Variants in SLC9C1 observed in about 807,000 individuals in gnomAD.
SLC9C1 encodes the protein sodium/hydrogen exchanger 10.
Under a neutral mutation model 140.9 loss-of-function variants are expected in SLC9C1, and 97 were observed. That is an observed-to-expected ratio of 0.69 (90% confidence interval 0.58 to 0.82). The LOEUF (loss-of-function observed/expected upper bound fraction) is 0.82. Among genes scored for constraint, SLC9C1 ranks in the 40% least tolerant of loss-of-function variants. The probability of loss-of-function intolerance (pLI) is 0.00; values close to 1 mark genes in which losing one functional copy is unlikely to be tolerated. For missense variants in SLC9C1, 1,340 were observed against 1,389.3 expected, an observed-to-expected ratio of 0.96 and a Z score of 0.56; for synonymous variants, 440 against 442.6, an observed-to-expected ratio of 0.99 and a Z score of 0.07.
chr3:112,221,321 A>G lies in SLC9C1; in HGVS notation c.1573-96T>C. 4.1e-6 allele frequency: 4 copies of G among 973,392 alleles called. No homozygotes were observed. The East Asian group carries it at 7.8e-5, about 19-fold the overall frequency. 60.3% of individuals were successfully genotyped at this position (973,392 alleles called of 1,614,324 possible). On this transcript the variant is annotated intron_variant, in intron 13 of 28. Coordinates refer to ENST00000305815, the MANE Select transcript of SLC9C1 (RefSeq NM_183061.3). Reference sequence around the variant, plus strand: ...AAAAATGTGTGATAAAGAAGTAAAAACAATCAATCTAGTCTGTTTGTAAAA... The same window carrying G: ...AAAAATGTGTGATAAAGAAGTAAAAGCAATCAATCTAGTCTGTTTGTAAAA...
intron 20 of SLC9C1, among the ~76,000 whole-genome samples, chr3:112,183,131 AG>A (rs769384878): frequency 2.0e-5 from 3 of 152,150 alleles, no homozygotes; most frequent in Non-Finnish European, 4.4e-5. Context: ...TGGATCATAA[AG>A]TATGCATATG....
At chr3:112,180,904 C>T (rs1286078100) in intron 21 of SLC9C1, among the ~76,000 whole-genome samples, 1 of 152,022 alleles carries the variant, frequency 6.6e-6, no homozygotes, top group Non-Finnish European at 1.5e-5. Flanking sequence ...TACAGGTGCC[C>T]ACGACCATGC....
At chr3:112,190,515 A>T (rs1335073717) in intron 20 of SLC9C1, among the ~76,000 whole-genome samples, 1 of 152,186 alleles carries the variant, frequency 6.6e-6, no homozygotes, top group Admixed American at 6.5e-5. Context: ...ACCATATTTA[A>T]GTCTATTTTC....
At chr3:112,192,556 G>GT (rs1263401435) in intron 20 of SLC9C1, among the ~76,000 whole-genome samples, 13 of 151,724 alleles carry the variant, frequency 8.6e-5, no homozygotes, top group African/African-American at 2.4e-4. Flanking sequence ...TTTTGTTTTT[G>GT]TTTTTTTCTT....
intron 14 of SLC9C1, among the ~76,000 whole-genome samples, chr3:112,218,730 G>T (rs750767206): frequency 5.9e-5 from 9 of 152,120 alleles, no homozygotes; most frequent in Non-Finnish European, 1.2e-4. Context: ...TTGCCACAGA[G>T]ATAATAAATG....
Position 112,264,261 on chromosome 3 carries a change from A to G in SLC9C1, c.961T>C (p.Tyr321His). ...GLLIPAHTYL[Y>H]IEFVDIYYSL... ...TAGTATATATCAACAAATTCTATAT[A>G]CAAATATGTATGTGCAGGAATTAGA... is the stretch of plus-strand genomic sequence containing the variant. The change falls in exon 9 of 29, where the codon TAT becomes CAT. Residue 321 changes from tyrosine to histidine, a missense_variant. Tyr to His is a moderately conservative substitution (Grantham distance 83). Transcript: ENST00000305815. The G allele has an allele frequency of 7.1e-7, 1 of 1,413,730 alleles. No homozygotes were observed. The highest frequency in any genetic ancestry group is 1.6e-5 in the South Asian group (1 of 63,326). 87.6% of individuals were successfully genotyped at this position (1,413,730 alleles called of 1,614,324 possible).
rs1309663795 is a variant in SLC9C1 at position 112,170,233 on chromosome 3, C to T, written c.2920-905G>A. Among the ~76,000 whole-genome samples, 17 of 152,016 alleles carry T rather than the reference C, an allele frequency of 1.1e-4. 1 individual carries two copies. Among genetic ancestry groups the T allele is most frequent in the Admixed American group, 1.1e-3 (17 of 15,246 alleles). On this transcript the variant is annotated intron_variant, in intron 23 of 28. Coordinates refer to ENST00000305815, the MANE Select transcript of SLC9C1 (RefSeq NM_183061.3). ...CCTATTCACTGGGAGAAACAAAAACCCTGCAGAATGGGAGAATATATTTGC... is the reference window on the plus strand; with the variant it reads ...CCTATTCACTGGGAGAAACAAAAACTCTGCAGAATGGGAGAATATATTTGC...
chr3:112,287,276 G>A (rs994600486), intron 1 of SLC9C1, among the ~76,000 whole-genome samples: 1 of 152,304 alleles, frequency 6.6e-6, no homozygotes, highest in East Asian at 1.9e-4. Flanking sequence ...GCCTCTGCAA[G>A]CATGTTCTGA....
rs1429180904 is a variant in SLC9C1 at position 112,286,639 on chromosome 3, T to C, written c.88+65A>G. 3.7e-6 allele frequency: 5 copies of C among 1,369,482 alleles called. No individual in the cohort carries two copies. In the Admixed American group the frequency reaches 8.9e-5, roughly 24 times the overall value. 84.8% of individuals were successfully genotyped at this position (1,369,482 alleles called of 1,614,324 possible). ...CTATTACTTCTACTTTCCTTAATTC[T>C]ATATGGTAGCATTTATAAGATGTAC... On this transcript the variant is annotated intron_variant, in intron 2 of 28. Coordinates refer to ENST00000305815, the MANE Select transcript of SLC9C1 (RefSeq NM_183061.3).
chr3:112,171,995 G>A (rs2077255777), intron 23 of SLC9C1, among the ~76,000 whole-genome samples: 1 of 152,058 alleles, frequency 6.6e-6, no homozygotes, highest in Admixed American at 6.5e-5. Context: ...ACATCATGTG[G>A]CCTTAATTAC....
chr3:112,264,472 T>C (rs2079864356), intron 8 of SLC9C1, 129 bp from the exon 9 acceptor site: 2 of 414,788 alleles, frequency 4.8e-6, no homozygotes, highest in Non-Finnish European at 7.8e-6. Context: ...ACAAACAACT[T>C]TGACTTGTAG....
chr3:112,183,198 A>C (rs1215055905), intron 20 of SLC9C1, among the ~76,000 whole-genome samples: 1 of 152,058 alleles, frequency 6.6e-6, no homozygotes, highest in Non-Finnish European at 1.5e-5. Context: ...ATCAATTTAC[A>C]CTTCTACTCT....
At chr3:112,291,246 C>T (rs1052755068) in intron 1 of SLC9C1, among the ~76,000 whole-genome samples, 2 of 151,994 alleles carry the variant, frequency 1.3e-5, no homozygotes, top group African/African-American at 4.8e-5. Flanking sequence ...AAAGCAATCA[C>T]AACAAAAGCA....
chr3:112,196,942 G>A (rs2077781701), intron 20 of SLC9C1, among the ~76,000 whole-genome samples: 2 of 139,484 alleles, frequency 1.4e-5, no homozygotes, highest in African/African-American at 5.4e-5. Context: ...CAGTTTTTGT[G>A]TATGCCTTGT....
intron 26 of SLC9C1, among the ~76,000 whole-genome samples, chr3:112,165,029 C>T (rs1345518020): frequency 1.3e-5 from 2 of 152,218 alleles, no homozygotes; most frequent in African/African-American, 4.8e-5. Flanking sequence ...ATTTGATCTT[C>T]CATCACTGAT....
intron 13 of SLC9C1, among the ~76,000 whole-genome samples, 193 bp downstream of exon 13, chr3:112,231,160 TTCTCTTTC>T (rs2078813920): frequency 9.7e-5 from 1 of 10,358 alleles, no homozygotes; most frequent in Non-Finnish European, 3.9e-4. Context: ...CTTTCTTTCT[TTCTCTTTC>T]TTTCTTTTTC....
intron 10 of SLC9C1, among the ~76,000 whole-genome samples, chr3:112,262,142 G>T (rs1443329135): frequency 6.6e-6 from 1 of 151,942 alleles, no homozygotes; most frequent in Non-Finnish European, 1.5e-5. Flanking sequence ...TCAGAACCTA[G>T]ATCTGTGCAC....
intron 26 of SLC9C1, among the ~76,000 whole-genome samples, chr3:112,161,182 A>T (rs1022854430): frequency 9.2e-5 from 14 of 152,098 alleles, no homozygotes; most frequent in African/African-American, 2.9e-4. Flanking sequence ...CCTTTGTCAG[A>T]TGAGTAGGTT....
chr3:112,215,905 A>C (rs1410143668), intron 15 of SLC9C1, among the ~76,000 whole-genome samples: 4 of 152,150 alleles, frequency 2.6e-5, no homozygotes, highest in Non-Finnish European at 4.4e-5. Flanking sequence ...TAAGTCAATC[A>C]TAAGCCAAAA....
Sources: allele counts gnomAD v4.1 joint callset (sites outside exome capture counted in the v4.1 genomes callset), GRCh38; gene constraint gnomAD v4.1.1; transcripts MANE v1.5; gene names NCBI Gene and HGNC (gene_info 2026-07-23, HGNC 2026-07-21).